The following CERKL variants were observed in gnomAD, a reference collection of about 807,000 sequenced individuals.
CERKL encodes CERK like autophagy regulator.
CERKL carries 61 observed loss-of-function variants against 63.4 expected under a neutral mutation model. The observed-to-expected ratio is 0.96, with a 90% CI of 0.78 to 1.19. The LOEUF (loss-of-function observed/expected upper bound fraction) is 1.19, where lower values mean the gene tolerates loss of function less well. CERKL is among the 50% of genes most tolerant of loss of function. CERKL has a pLI of 0.00. For synonymous variants in CERKL, 250 were observed against 230.5 expected (o/e 1.08, Z -0.77); for missense variants, 675 against 655.5 (o/e 1.03, Z -0.33).
chr2:181,646,413 AT>A (rs1442215574), intron 1 of CERKL, among the ~76,000 whole-genome samples: 7 of 152,392 alleles, frequency 4.6e-5, no homozygotes, highest in African/African-American at 1.7e-4. Flanking sequence ...AAAGTTAAAC[AT>A]TCTGACAGCT....
intron 5 of CERKL, among the ~76,000 whole-genome samples, chr2:181,556,036 G>A (rs1311133066): frequency 7.2e-5 from 11 of 151,960 alleles, no homozygotes; most frequent in African/African-American, 1.2e-4. Flanking sequence ...ACAGGTATAA[G>A]CCACTGCACC....
At chr2:181,570,651 T>C (rs947103388) in intron 3 of CERKL, among the ~76,000 whole-genome samples, 1 of 152,110 alleles carries the variant, frequency 6.6e-6, no homozygotes, top group Non-Finnish European at 1.5e-5. Context: ...GCACAAATAT[T>C]TCAAAAGATG....
At chr2:181,559,995 C>T (rs542253809) in intron 4 of CERKL, among the ~76,000 whole-genome samples, 1 of 152,110 alleles carries the variant, frequency 6.6e-6, no homozygotes, top group Non-Finnish European at 1.5e-5. Flanking sequence ...CGCAATATGA[C>T]CACCTATTCA....
chr2:181,656,366 T>C (rs139674072), intron 1 of CERKL, among the ~76,000 whole-genome samples: 6 of 152,326 alleles, frequency 3.9e-5, no homozygotes, highest in East Asian at 3.9e-4. Flanking sequence ...CAATGTACCA[T>C]CAAAGTTAAT....
In CERKL at chr2:181,566,035, TATTG is replaced by T. The variant is rs1688651090; in HGVS notation, c.677+19_677+22del. 1 of 1,460,814 alleles carries T rather than the reference TATTG, an allele frequency of 6.8e-7. No individual in the cohort carries two copies. Among genetic ancestry groups the T allele is most frequent in the Non-Finnish European group, 9.6e-7 (1 of 1,042,054 alleles). The allele number at this position is 1,460,814 out of a possible 1,614,324, so 90.5% of individuals were successfully genotyped here. ...TTTAATACATAAATGATATAACATA[TATTG>T]ATTAATAATATAACCTACCCATCAA... On this transcript the variant is annotated intron_variant, in intron 4 of 12. Transcript: ENST00000410087.
At chr2:181,583,280 T>C (rs1684616571) in intron 2 of CERKL, among the ~76,000 whole-genome samples, 1 of 152,086 alleles carries the variant, frequency 6.6e-6, no homozygotes, top group Non-Finnish European at 1.5e-5. Context: ...TATTGAAAAC[T>C]AGATATCTCT....
At chr2:181,648,517 A>G (rs1687763958) in intron 1 of CERKL, among the ~76,000 whole-genome samples, 1 of 152,238 alleles carries the variant, frequency 6.6e-6, no homozygotes, top group Non-Finnish European at 1.5e-5. Context: ...ATTCACTCCT[A>G]CACCAGCCTT....
chr2:181,556,641 C>A (rs1053436799), intron 5 of CERKL, among the ~76,000 whole-genome samples: 1 of 152,144 alleles, frequency 6.6e-6, no homozygotes, highest in African/African-American at 2.4e-5. Flanking sequence ...TCCAGTCTAT[C>A]ATTGTTGGAC....
intron 1 of CERKL, among the ~76,000 whole-genome samples, chr2:181,625,776 A>C (rs1174050719): frequency 6.6e-6 from 1 of 152,218 alleles, no homozygotes; most frequent in Non-Finnish European, 1.5e-5. Context: ...TCATTCAACG[A>C]ATATTTGTTT....
intron 2 of CERKL, among the ~76,000 whole-genome samples, chr2:181,580,613 T>C (rs1020373936): frequency 6.6e-6 from 1 of 152,172 alleles, no homozygotes; most frequent in Non-Finnish European, 1.5e-5. Context: ...TGTTTCTCCA[T>C]GTAGGCTTTA....
chr2:181,646,800 G>A (rs1159331105), intron 1 of CERKL, among the ~76,000 whole-genome samples: 3 of 152,210 alleles, frequency 2.0e-5, no homozygotes, highest in African/African-American at 7.2e-5. Flanking sequence ...GAAGACTTCT[G>A]CTAATCTCTG....
At chr2:181,548,885 G>C in intron 6 of CERKL, 28 bp from the exon 7 acceptor site, 1 of 1,591,458 alleles carries the variant, frequency 6.3e-7, no homozygotes. Context: ...ATATTAATCA[G>C]TGAGTACAGT....
intron 1 of CERKL, among the ~76,000 whole-genome samples, chr2:181,643,829 A>C (rs1687552338): frequency 6.6e-6 from 1 of 152,176 alleles, no homozygotes; most frequent in African/African-American, 2.4e-5. Context: ...TACTCTCCCC[A>C]TCAGCTTTTC....
chr2:181,561,386 G>A (rs1401626742), intron 4 of CERKL, among the ~76,000 whole-genome samples: 1 of 147,676 alleles, frequency 6.8e-6, no homozygotes, highest in Non-Finnish European at 1.5e-5. Context: ...CTCCAGCCTG[G>A]GTGACAGGGT....
intron 5 of CERKL, among the ~76,000 whole-genome samples, chr2:181,553,896 T>A (rs1688095137): frequency 6.6e-6 from 1 of 152,194 alleles, no homozygotes; most frequent in African/African-American, 2.4e-5. Flanking sequence ...GTACTCTATT[T>A]GAAAAGATGT....
At chr2:181,656,715 G>T in intron 1 of CERKL, 54 bp downstream of exon 1, 1 of 1,442,112 alleles carries the variant, frequency 6.9e-7, no homozygotes, top group East Asian at 2.5e-5. Flanking sequence ...CCTTGGGCCG[G>T]GGAGAGGGAG....
intron 1 of CERKL, among the ~76,000 whole-genome samples, chr2:181,631,768 C>T (rs1055106363): frequency 1.3e-5 from 2 of 152,044 alleles, no homozygotes; most frequent in Admixed American, 6.6e-5. Context: ...AAAGGGCTCT[C>T]GAGTATGGAA....
intron 1 of CERKL, among the ~76,000 whole-genome samples, chr2:181,605,278 G>A (rs1345449135): frequency 6.6e-6 from 1 of 152,184 alleles, no homozygotes; most frequent in Non-Finnish European, 1.5e-5. Context: ...AGGCTAAGGG[G>A]ACTAGAGTTC....
chr2:181,606,888 G>T (rs1685742125), intron 1 of CERKL, among the ~76,000 whole-genome samples: 1 of 152,152 alleles, frequency 6.6e-6, no homozygotes, highest in Non-Finnish European at 1.5e-5. Flanking sequence ...GGTTTGTCCT[G>T]TCCCGGTCAG....
Sources: allele counts gnomAD v4.1 joint callset (sites outside exome capture counted in the v4.1 genomes callset), GRCh38; gene constraint gnomAD v4.1.1; transcripts MANE v1.5; gene names NCBI Gene and HGNC (gene_info 2026-07-23, HGNC 2026-07-21).